Variants in GOLT1B observed in about 807,000 individuals in gnomAD.
The protein encoded by GOLT1B is vesicle transport protein GOT1B.
GOLT1B carries 3 observed loss-of-function variants against 15.4 expected under a neutral mutation model. The ratio of observed to expected loss-of-function variants is 0.19; its 90% confidence interval spans 0.09 to 0.50. The LOEUF is 0.50. Among genes scored for constraint, GOLT1B ranks in the 20% least tolerant of loss-of-function variants. The pLI is 0.97. For synonymous variants in GOLT1B, 65 were observed against 56.2 expected, an observed-to-expected ratio of 1.16 and a Z score of -0.70; for missense variants, 145 against 160.4, an observed-to-expected ratio of 0.90 and a Z score of 0.52.
intron 1 of GOLT1B, among the ~76,000 whole-genome samples, chr12:21,503,672 G>A (rs749409978): frequency 1.3e-5 from 2 of 152,162 alleles, no homozygotes; most frequent in South Asian, 2.1e-4. Flanking sequence ...AACATAAAAC[G>A]ATTAGTGAAC....
chr12:21,513,799 CAAAAAAG>C (rs748114296), intron 4 of GOLT1B, among the ~76,000 whole-genome samples: 1 of 151,478 alleles, frequency 6.6e-6, no homozygotes, highest in Non-Finnish European at 1.5e-5. Flanking sequence ...TTGTCTCAAA[CAAAAAAG>C]AAAAAAGAGA....
At position 21,501,966 on chromosome 12, in the gene GOLT1B, G is replaced by A. The variant is rs1319359988; in HGVS notation, c.25+18G>A. 2 of 1,595,964 alleles carry A rather than the reference G, an allele frequency of 1.3e-6. No homozygotes were observed. The highest frequency in any genetic ancestry group is 1.1e-5 in the South Asian group (1 of 90,576). On this transcript the variant is annotated intron_variant, in intron 1 of 4. Transcript: ENST00000229314. ...CACGCAGAGTAAGCACCTGCTCCGGGGCCCCCGCCTCGAGCCGCGCACACC... is the reference window on the plus strand; with the variant it reads ...CACGCAGAGTAAGCACCTGCTCCGGAGCCCCCGCCTCGAGCCGCGCACACC...
chr12:21,510,308 T>G (rs894744303), intron 3 of GOLT1B, among the ~76,000 whole-genome samples: 2 of 152,160 alleles, frequency 1.3e-5, no homozygotes, highest in Admixed American at 6.5e-5. Flanking sequence ...AGAGTTTGTT[T>G]TGGCAGATGT....
Position 21,506,996 on chromosome 12 carries a change from T to A in GOLT1B, c.117+20T>A. The A allele has an allele frequency of 1.1e-6, 1 of 941,646 alleles. No individual in the cohort carries two copies. Among genetic ancestry groups the A allele is most frequent in the African/African-American group, 1.7e-5 (1 of 60,270 alleles). The allele number at this position is 941,646 out of a possible 1,614,324, so 58.3% of individuals were successfully genotyped here. ...GGAAATGTGAGTTTTTAAATATATA[T>A]TTTAACTAAATTTATAAGGAAATTT... On this transcript the variant is annotated intron_variant, in intron 2 of 4. Coordinates refer to ENST00000229314, the MANE Select transcript of GOLT1B (RefSeq NM_016072.5).
chr12:21,509,430 A>G (rs1943704119), intron 3 of GOLT1B, among the ~76,000 whole-genome samples: 1 of 151,078 alleles, frequency 6.6e-6, no homozygotes. Flanking sequence ...AAAAACAGAA[A>G]AGAAAATAAC....
intron 4 of GOLT1B, among the ~76,000 whole-genome samples, chr12:21,514,127 T>C (rs946694100): frequency 6.6e-6 from 1 of 152,208 alleles, no homozygotes. Context: ...TTGGCTACAA[T>C]CCTTTTGGCT....
rs1366 is a variant in GOLT1B, at chr12:21,516,093, A to G, written c.*386A>G. 0.41 allele frequency: 66,987 copies of G among 162,600 alleles called. 14,038 individuals are homozygous for G. Among genetic ancestry groups the G allele is most frequent in the East Asian group, 0.47 (2,693 of 5,670 alleles). The allele number at this position is 162,600 out of a possible 1,614,324, so 10.1% of individuals were successfully genotyped here. On this transcript the variant is annotated 3_prime_UTR_variant, in exon 5 of 5. Transcript: ENST00000229314. The stretch of plus-strand genomic sequence containing the variant: ...ATCCATAGGCATTTGCTTTTTAGAA[A>G]TGTCCACTGCAATGGCAAAAATATT...
At position 21,503,322 on chromosome 12, in the gene GOLT1B, A is replaced by G. The variant is rs528154130; in HGVS notation, c.25+1374A>G. On this transcript the variant is annotated intron_variant, in intron 1 of 4. Transcript: ENST00000229314. ...CCCTTTCATAAGTTAAATGAGGCACAAAAGAAATTGAGTGCATGGTCAAAG... is the reference window on the plus strand; with the variant it reads ...CCCTTTCATAAGTTAAATGAGGCACGAAAGAAATTGAGTGCATGGTCAAAG... Among the ~76,000 whole-genome samples, 238 of 152,342 alleles carry G rather than the reference A, an allele frequency of 1.6e-3. 2 individuals carry two copies. The highest frequency in any genetic ancestry group is 5.4e-3 in the African/African-American group (224 of 41,574).
At position 21,506,870 on chromosome 12, in the gene GOLT1B, T is replaced by A. The variant is rs1451297001; in HGVS notation, c.26-15T>A. On this transcript the variant is annotated splice_polypyrimidine_tract_variant and intron_variant, in intron 1 of 4. Transcript: ENST00000229314. ...TAATTTTTCTCTACCCTTAACCATA[T>A]ACCTTATATTGCAGAAATTGGAATG... The A allele has an allele frequency of 3.6e-6, 4 of 1,096,834 alleles. No homozygotes were observed. Among genetic ancestry groups the A allele is most frequent in the African/African-American group, 3.1e-5 (2 of 64,518 alleles). 67.9% of individuals were successfully genotyped at this position (1,096,834 alleles called of 1,614,324 possible).
chr12:21,512,092 G>A (rs1169673651), intron 3 of GOLT1B, among the ~76,000 whole-genome samples: 2 of 152,132 alleles, frequency 1.3e-5, no homozygotes, highest in Admixed American at 1.3e-4. Context: ...CATAATCTGA[G>A]TTATATATAG....
At chr12:21,506,204 G>A (rs1381956733) in intron 1 of GOLT1B, among the ~76,000 whole-genome samples, 4 of 151,958 alleles carry the variant, frequency 2.6e-5, no homozygotes, top group Non-Finnish European at 4.4e-5. Flanking sequence ...GTGATTTTAG[G>A]ACTCTAGACC....
chr12:21,507,106 A>G (rs1328912105), intron 2 of GOLT1B, 130 bp downstream of exon 2: 4 of 672,488 alleles, frequency 5.9e-6, no homozygotes, highest in Middle Eastern at 2.4e-4. Context: ...TACATTCTCT[A>G]TTTCCATCAG....
In GOLT1B at chr12:21,501,799, G is replaced by T. The variant is rs1591758446; in HGVS notation, c.-125G>T. ...CGCTCTTAAAGCGGCAGTGAGGGTG[G>T]CTGCGTGTTTCCGGAAGACGTGGCG... is the stretch of plus-strand genomic sequence containing the variant. On this transcript the variant is annotated 5_prime_UTR_variant, in exon 1 of 5. Transcript: ENST00000229314. The T allele has an allele frequency of 1.3e-5, 9 of 713,374 alleles. No individual in the cohort carries two copies. The highest frequency in any genetic ancestry group is 7.0e-5 in the African/African-American group (4 of 57,502). The allele number at this position is 713,374 out of a possible 1,614,324, so 44.2% of individuals were successfully genotyped here.
At chr12:21,508,690 C>T in intron 3 of GOLT1B, 129 bp downstream of exon 3, 1 of 609,530 alleles carries the variant, frequency 1.6e-6, no homozygotes, top group Non-Finnish European at 2.9e-6. Context: ...TAGGTTGAAT[C>T]TTATAGATTT....
At chr12:21,514,203 G>A (rs757564426) in intron 4 of GOLT1B, among the ~76,000 whole-genome samples, 3 of 152,162 alleles carry the variant, frequency 2.0e-5, no homozygotes, top group Non-Finnish European at 4.4e-5. Context: ...ATCCAACTCT[G>A]TCCTAAATAA....
chr12:21,514,228 C>A (rs1397944325), intron 4 of GOLT1B, among the ~76,000 whole-genome samples: 1 of 152,148 alleles, frequency 6.6e-6, no homozygotes, highest in Non-Finnish European at 1.5e-5. Context: ...GATAAACTAG[C>A]TTTATAGGAA....
At chr12:21,511,597 A>G (rs761533253) in intron 3 of GOLT1B, among the ~76,000 whole-genome samples, 6 of 152,158 alleles carry the variant, frequency 3.9e-5, no homozygotes, top group Non-Finnish European at 7.4e-5. Flanking sequence ...GGGGCTGCCA[A>G]CCATTGATGA....
Position 21,508,351 on chromosome 12 carries a change from C to CT in GOLT1B, c.118-28dup, listed in dbSNP as rs1565581701. The CT allele has an allele frequency of 2.2e-6, 3 of 1,348,844 alleles. No homozygotes were observed. In the African/African-American group the frequency reaches 4.4e-5, roughly 20 times the overall value. 83.6% of individuals were successfully genotyped at this position (1,348,844 alleles called of 1,614,324 possible). A position where few individuals can be genotyped will look rare whatever the true frequency, so the allele number is the denominator to read the frequency against. On this transcript the variant is annotated intron_variant, in intron 2 of 4. Coordinates refer to ENST00000229314, the MANE Select transcript of GOLT1B (RefSeq NM_016072.5). ...AAATTTATGCATTGTGTTTAATTAC[C>CT]TTTTCCGTGTTGTATTTTCTTTCTC...
At chr12:21,506,747 T>G (rs1943681208) in intron 1 of GOLT1B, 138 bp from the exon 2 acceptor site, 1 of 468,396 alleles carries the variant, frequency 2.1e-6, no homozygotes, top group Non-Finnish European at 3.8e-6. Flanking sequence ...ATAAATGTCA[T>G]TATGAAGTTA....
Sources: gnomAD v4.1 joint callset for allele counts (sites outside exome capture counted in the v4.1 genomes callset) on GRCh38, gnomAD v4.1.1 for gene constraint, MANE v1.5 for transcripts, NCBI Gene and HGNC (gene_info 2026-07-23, HGNC 2026-07-21) for gene names.